ZBTB7C: variants seen among roughly 807,000 people sequenced by gnomAD.
ZBTB7C encodes zinc finger and BTB domain-containing protein 7C.
A neutral mutation model predicts 25.7 loss-of-function variants in ZBTB7C; 8 were observed. The ratio of observed to expected loss-of-function variants is 0.31; its 90% CI spans 0.18 to 0.56. ZBTB7C has a LOEUF of 0.56. ZBTB7C is among the 20% of genes least tolerant of loss of function. The pLI is 0.91. For missense variants in ZBTB7C, 824 were observed against 855.2 expected (o/e 0.96, Z 0.46); for synonymous variants, 394 against 369.0 (o/e 1.07, Z -0.78).
At position 48,028,100 on chromosome 18, in the gene ZBTB7C, C is replaced by A. The variant is rs757989881; in HGVS notation, c.*1160G>T. The stretch of plus-strand genomic sequence containing the variant: ...CTAGCAATGCCAAGGCCCTGAGGAA[C>A]CCTCAACTCAAAAAACAAACAGATA... On this transcript the variant is annotated 3_prime_UTR_variant, in exon 5 of 5. Coordinates refer to ENST00000590800, the MANE Select transcript of ZBTB7C (RefSeq NM_001318841.2). 6.6e-6 allele frequency: 1 copy of A among 152,214 alleles called. No individual in the cohort carries two copies. Among genetic ancestry groups the A allele is most frequent in the African/African-American group, 2.4e-5 (1 of 41,432 alleles). The allele number at this position is 152,214 out of a possible 1,614,324, so 9.4% of individuals were successfully genotyped here. A position where few individuals can be genotyped will look rare whatever the true frequency, so the allele number is the denominator to read the frequency against.
intron 1 of ZBTB7C, among the ~76,000 whole-genome samples, chr18:48,408,101 T>C (rs574193051): frequency 7.4e-4 from 112 of 152,330 alleles, no homozygotes; most frequent in African/African-American, 1.9e-3. Context: ...GCCTTGCGCA[T>C]GGTCCAGCGA....
At chr18:48,156,202 G>A (rs2040837211) in intron 3 of ZBTB7C, among the ~76,000 whole-genome samples, 2 of 152,224 alleles carry the variant, frequency 1.3e-5, no homozygotes, top group South Asian at 4.1e-4. Flanking sequence ...GAGGGAAGAT[G>A]GAGCCAGGAT....
At chr18:48,122,996 C>T (rs1024366757) in intron 3 of ZBTB7C, among the ~76,000 whole-genome samples, 3 of 152,170 alleles carry the variant, frequency 2.0e-5, no homozygotes, top group African/African-American at 7.2e-5. Flanking sequence ...ATCTATGGGG[C>T]TGGTCGAACT....
chr18:48,192,435 G>A (rs772384487), intron 2 of ZBTB7C, among the ~76,000 whole-genome samples: 6 of 152,170 alleles, frequency 3.9e-5, no homozygotes, highest in Non-Finnish European at 7.4e-5. Context: ...AACGTGGACC[G>A]TGAACTCCAG....
At chr18:48,071,836 T>C (rs1462997283) in intron 3 of ZBTB7C, among the ~76,000 whole-genome samples, 1 of 152,250 alleles carries the variant, frequency 6.6e-6, no homozygotes, top group Non-Finnish European at 1.5e-5. Flanking sequence ...TAACACCTGC[T>C]ACCACATGCG....
chr18:48,062,385 C>T (rs186266667), intron 3 of ZBTB7C, among the ~76,000 whole-genome samples: 14 of 152,092 alleles, frequency 9.2e-5, no homozygotes, highest in East Asian at 7.7e-4. Flanking sequence ...ATGCTGTTGG[C>T]GCACTCTATC....
chr18:48,317,671 C>T (rs2045981450), intron 2 of ZBTB7C, among the ~76,000 whole-genome samples: 1 of 152,118 alleles, frequency 6.6e-6, no homozygotes, highest in South Asian at 2.1e-4. Flanking sequence ...ACAGCAGCCT[C>T]GATGTGACAT....
intron 2 of ZBTB7C, among the ~76,000 whole-genome samples, chr18:48,233,076 A>G (rs928868768): frequency 1.3e-5 from 2 of 152,222 alleles, no homozygotes; most frequent in East Asian, 1.9e-4. Flanking sequence ...CCAAAAGCAT[A>G]TATTAGAAAT....
At chr18:48,186,842 G>A (rs1175752258) in intron 2 of ZBTB7C, among the ~76,000 whole-genome samples, 1 of 152,308 alleles carries the variant, frequency 6.6e-6, no homozygotes, top group Admixed American at 6.5e-5. Context: ...TTTTACAATC[G>A]TGGCTAAATA....
chr18:48,128,255 G>A lies in ZBTB7C; in HGVS notation c.-17+57679C>T, dbSNP rs145405010. On this transcript the variant is annotated intron_variant, in intron 3 of 4. Transcript: ENST00000590800. ...CTCCTCTCCATTTAGCCGCCTGCCA[G>A]GCTGTTCTCATGCACCGGCCACACA... Among the ~76,000 whole-genome samples the A allele has an allele frequency of 6.7e-3, 1,017 of 152,296 alleles. 8 individuals carry two copies. The highest frequency in any genetic ancestry group is 0.01 in the Non-Finnish European group (694 of 68,030).
At chr18:48,162,453 C>T in intron 3 of ZBTB7C, 1 of 453,436 alleles carries the variant, frequency 2.2e-6, no homozygotes, top group South Asian at 1.6e-5. Context: ...GGTTTGGTGC[C>T]TGGCACATAA....
intron 1 of ZBTB7C, among the ~76,000 whole-genome samples, chr18:48,346,904 C>A (rs2046744604): frequency 6.6e-6 from 1 of 151,962 alleles, no homozygotes; most frequent in South Asian, 2.1e-4. Flanking sequence ...CCTGCCTCAG[C>A]CTTCTGAGTA....
chr18:48,267,636 T>C (rs1415855302), intron 2 of ZBTB7C, among the ~76,000 whole-genome samples: 2 of 152,170 alleles, frequency 1.3e-5, no homozygotes, highest in Non-Finnish European at 2.9e-5. Context: ...AACTCACATG[T>C]TGATATCCTA....
chr18:48,089,661 C>T (rs2038335932), intron 3 of ZBTB7C, among the ~76,000 whole-genome samples: 1 of 152,004 alleles, frequency 6.6e-6, no homozygotes, highest in South Asian at 2.1e-4. Context: ...TGGGGTAGGG[C>T]CTAAAAGTCT....
chr18:48,164,686 A>T (rs1239413668), intron 3 of ZBTB7C, among the ~76,000 whole-genome samples: 1 of 152,042 alleles, frequency 6.6e-6, no homozygotes, highest in African/African-American at 2.4e-5. Flanking sequence ...GAATGCAGAG[A>T]ATGGGCCTCC....
chr18:48,111,573 C>T (rs554296348), intron 3 of ZBTB7C, among the ~76,000 whole-genome samples: 43 of 152,262 alleles, frequency 2.8e-4, no homozygotes, highest in African/African-American at 9.4e-4. Context: ...AAGACCAGAG[C>T]CCTGGCTGGG....
At position 48,029,608 on chromosome 18, in the gene ZBTB7C, G is replaced by A; in HGVS notation, c.1512C>T (p.Ala504=). The stretch of plus-strand genomic sequence containing the variant: ...CGCCCAGCGCAGGGGGCATCACGAA[G>A]GCCGCCTTGTCGGGGGCCGGGCCGC... ...GPGGPAPDKA[A]FVMPPALGEV... Residue 504 remains alanine, a synonymous_variant, in exon 5 of 5, where the codon GCC becomes GCT. Transcript: ENST00000590800. The A allele has an allele frequency of 6.7e-7, 1 of 1,487,618 alleles. No homozygotes were observed. Among genetic ancestry groups the A allele is most frequent in the Non-Finnish European group, 8.9e-7 (1 of 1,129,866 alleles). The allele number at this position is 1,487,618 out of a possible 1,614,324, so 92.2% of individuals were successfully genotyped here.
intron 3 of ZBTB7C, among the ~76,000 whole-genome samples, chr18:48,103,112 T>TTATCTATCAATCTATCTATC (rs2038901240): frequency 7.6e-6 from 1 of 130,964 alleles, no homozygotes; most frequent in African/African-American, 2.9e-5. Flanking sequence ...ATATTTTATA[T>TTATCTATCAATCTATCTATC]TATCTATCTA....
intron 3 of ZBTB7C, among the ~76,000 whole-genome samples, chr18:48,045,979 G>A (rs999162629): frequency 2.6e-5 from 4 of 152,214 alleles, no homozygotes; most frequent in Admixed American, 1.3e-4. Flanking sequence ...TTGAATGGGT[G>A]AGCCACCTTG....
Sources: gnomAD v4.1 joint callset for allele counts (sites outside exome capture counted in the v4.1 genomes callset) on GRCh38, gnomAD v4.1.1 for gene constraint, MANE v1.5 for transcripts, NCBI Gene and HGNC (gene_info 2026-07-23, HGNC 2026-07-21) for gene names.